ZDHHC2: variants seen among roughly 807,000 people sequenced by gnomAD.
ZDHHC2 encodes the protein zDHHC palmitoyltransferase 2.
ZDHHC2 carries 51 observed loss-of-function variants against 55.6 expected under a neutral mutation model. That is an observed-to-expected ratio of 0.92 (90% CI 0.73 to 1.16). The LOEUF is 1.16. Ranked by LOEUF, ZDHHC2 falls within the 50% of genes most tolerant of loss-of-function variation. The probability of loss-of-function intolerance (pLI) is 0.00; values close to 1 mark genes in which losing one functional copy is unlikely to be tolerated. For missense variants in ZDHHC2, 491 were observed against 442.4 expected (o/e 1.11, Z -0.99); for synonymous variants, 199 against 152.9 (o/e 1.30, Z -2.22).
chr8:17,210,306 C>G, intron 9 of ZDHHC2, 82 bp from the exon 10 acceptor site: 1 of 1,385,066 alleles, frequency 7.2e-7, no homozygotes, highest in Non-Finnish European at 1.0e-6. Flanking sequence ...GCATGTTCTG[C>G]TCTCGGACAT....
intron 3 of ZDHHC2, among the ~76,000 whole-genome samples, chr8:17,190,543 C>G (rs1294732741): frequency 6.6e-6 from 1 of 152,062 alleles, no homozygotes; most frequent in Non-Finnish European, 1.5e-5. Context: ...CTTTTCATAG[C>G]AAGATTGTTA....
At chr8:17,182,640 G>A (rs1223264791) in intron 1 of ZDHHC2, among the ~76,000 whole-genome samples, 1 of 150,728 alleles carries the variant, frequency 6.6e-6, no homozygotes, top group Admixed American at 6.6e-5. Flanking sequence ...AAAGCAAACT[G>A]TGAATGGCAA....
intron 1 of ZDHHC2, among the ~76,000 whole-genome samples, chr8:17,183,680 T>G (rs1053764362): frequency 7.2e-5 from 11 of 152,194 alleles, no homozygotes; most frequent in Non-Finnish European, 1.5e-5. Context: ...ATCTGTCATT[T>G]AGATCTTCTG....
chr8:17,173,068 C>T (rs1251371153), intron 1 of ZDHHC2, among the ~76,000 whole-genome samples: 1 of 152,178 alleles, frequency 6.6e-6, no homozygotes, highest in Non-Finnish European at 1.5e-5. Context: ...TCTAGAGTGA[C>T]CCAGATCAGA....
At chr8:17,212,729 A>C (rs923304232) in intron 10 of ZDHHC2, among the ~76,000 whole-genome samples, 3 of 151,640 alleles carry the variant, frequency 2.0e-5, no homozygotes, top group Non-Finnish European at 4.4e-5. Context: ...TTCCCATCTT[A>C]CTCGGAATAA....
intron 12 of ZDHHC2, among the ~76,000 whole-genome samples, chr8:17,218,502 A>T (rs559286884): frequency 6.6e-6 from 1 of 152,290 alleles, no homozygotes; most frequent in South Asian, 2.1e-4. Context: ...TTACATGGTA[A>T]TATTATATAA....
intron 6 of ZDHHC2, among the ~76,000 whole-genome samples, chr8:17,203,813 T>TC (rs1029948714): frequency 6.0e-5 from 2 of 33,330 alleles, no homozygotes; most frequent in East Asian, 3.7e-4. Flanking sequence ...TTTTTTCTTT[T>TC]TTTTTTTTTT....
chr8:17,182,495 GGATACAGCCTTTTGAACT>G, intron 1 of ZDHHC2, among the ~76,000 whole-genome samples: 1 of 152,118 alleles, frequency 6.6e-6, no homozygotes, highest in Non-Finnish European at 1.5e-5. Context: ...AAGTGTAATT[GGATACAGCCTTTTGAACT>G]GATCCCTTTC....
intron 1 of ZDHHC2, among the ~76,000 whole-genome samples, chr8:17,166,847 G>A (rs1170392099): frequency 6.6e-6 from 1 of 152,096 alleles, no homozygotes; most frequent in East Asian, 1.9e-4. Flanking sequence ...TTGAACCCTT[G>A]TTTTGAACTT....
At chr8:17,213,494 C>G (rs1231693685) in intron 10 of ZDHHC2, among the ~76,000 whole-genome samples, 1 of 152,126 alleles carries the variant, frequency 6.6e-6, no homozygotes, top group Non-Finnish European at 1.5e-5. Flanking sequence ...CTCAAGTGAT[C>G]CACCTGCCTC....
intron 1 of ZDHHC2, among the ~76,000 whole-genome samples, chr8:17,157,764 A>G (rs1213698264): frequency 6.6e-6 from 1 of 152,184 alleles, no homozygotes; most frequent in African/African-American, 2.4e-5. Flanking sequence ...TGACTTGTGA[A>G]TGCTTTCTGT....
At chr8:17,178,268 A>C (rs1381194913) in intron 1 of ZDHHC2, among the ~76,000 whole-genome samples, 1 of 152,206 alleles carries the variant, frequency 6.6e-6, no homozygotes, top group East Asian at 1.9e-4. Flanking sequence ...ATCAATTGGT[A>C]AAAAATGTAC....
At chr8:17,196,482 A>T (rs892428414) in intron 4 of ZDHHC2, among the ~76,000 whole-genome samples, 1 of 151,970 alleles carries the variant, frequency 6.6e-6, no homozygotes. Context: ...TGAGCCCAGG[A>T]GTTAGAAGTT....
intron 5 of ZDHHC2, among the ~76,000 whole-genome samples, chr8:17,197,945 A>C (rs927164184): frequency 4.6e-5 from 7 of 152,206 alleles, no homozygotes; most frequent in African/African-American, 1.7e-4. Flanking sequence ...CCATTTTTAT[A>C]AAGAGAACTC....
intron 1 of ZDHHC2, among the ~76,000 whole-genome samples, chr8:17,167,206 G>C (rs1400861651): frequency 6.6e-6 from 1 of 151,620 alleles, no homozygotes; most frequent in Non-Finnish European, 1.5e-5. Context: ...AAGCAACAAA[G>C]AATGTTGAAT....
At chr8:17,167,000 C>A (rs1804633137) in intron 1 of ZDHHC2, among the ~76,000 whole-genome samples, 1 of 152,184 alleles carries the variant, frequency 6.6e-6, no homozygotes, top group South Asian at 2.1e-4. Flanking sequence ...CTTAACTTTT[C>A]TTATTATCTG....
chr8:17,167,305 T>G (rs1192665816), intron 1 of ZDHHC2, among the ~76,000 whole-genome samples: 1 of 34,016 alleles, frequency 2.9e-5, no homozygotes, highest in Non-Finnish European at 6.2e-5. Flanking sequence ...TTTTTTTAAC[T>G]TTTTTTTTTT....
intron 6 of ZDHHC2, among the ~76,000 whole-genome samples, chr8:17,202,153 G>A (rs557340420): frequency 1.3e-5 from 2 of 152,236 alleles, no homozygotes; most frequent in African/African-American, 2.4e-5. Context: ...ATTGAGTGCC[G>A]GTTATGTTCT....
rs975647843 is a variant in ZDHHC2, at chr8:17,160,213, C to G, written c.130+3360C>G. On this transcript the variant is annotated intron_variant, in intron 1 of 12. Transcript: ENST00000262096. ...TGTTTTAACTATTTCATACCGTTTT[C>G]TTTATTTCAGATTTACTGAAAAGTT... Among the ~76,000 whole-genome samples the G allele has an allele frequency of 4.6e-5, 7 of 152,166 alleles. 1 individual carries two copies. The highest frequency in any genetic ancestry group is 1.7e-4 in the African/African-American group (7 of 41,444).
Sources: allele counts gnomAD v4.1 joint callset (sites outside exome capture counted in the v4.1 genomes callset), GRCh38; gene constraint gnomAD v4.1.1; transcripts MANE v1.5; gene names NCBI Gene and HGNC (gene_info 2026-07-23, HGNC 2026-07-21).